The following CTNNA3 variants were observed in gnomAD, a reference collection of about 807,000 sequenced individuals.
CTNNA3 encodes catenin alpha-3.
In CTNNA3, 76 loss-of-function variants were observed where a neutral mutation model predicts 95.7. The observed-to-expected ratio is 0.79, with a 90% confidence interval of 0.66 to 0.96. The LOEUF (loss-of-function observed/expected upper bound fraction) is 0.96. CTNNA3 is among the 40% of genes least tolerant of loss of function. The pLI is 0.00. For synonymous variants in CTNNA3, 431 were observed against 374.4 expected (o/e 1.15, Z -1.74); for missense variants, 1,191 against 1,089.8 (o/e 1.09, Z -1.31).
At chr10:66,465,313 T>G (rs1178773990) in intron 11 of CTNNA3, among the ~76,000 whole-genome samples, 1 of 152,172 alleles carries the variant, frequency 6.6e-6, no homozygotes, top group Non-Finnish European at 1.5e-5. Context: ...AAATCTCTTC[T>G]GAGACTTGTA....
At chr10:66,722,528 A>G (rs1848662895) in intron 9 of CTNNA3, among the ~76,000 whole-genome samples, 4 of 152,062 alleles carry the variant, frequency 2.6e-5, no homozygotes, top group Admixed American at 2.6e-4. Flanking sequence ...GACTCAGGCC[A>G]AATGTGATTT....
Position 67,234,465 on chromosome 10 carries a change from C to G in CTNNA3, c.580-14595G>C, listed in dbSNP as rs368746376. On this transcript the variant is annotated intron_variant, in intron 5 of 17. Coordinates refer to ENST00000433211, the MANE Select transcript of CTNNA3 (RefSeq NM_013266.4). ...AAGGCCTTTGACAAAATTCAACAAC[C>G]TTCATGCTAAAAACTCTCAATAAAT... 2.2e-3 allele frequency among the ~76,000 whole-genome samples: 329 copies of G among 152,268 alleles called. 1 individual carries two copies. Among genetic ancestry groups the G allele is most frequent in the Non-Finnish European group, 3.9e-3 (263 of 68,020 alleles).
At position 67,250,467 on chromosome 10, in the gene CTNNA3, G is replaced by A. The variant is rs556354179; in HGVS notation, c.580-30597C>T. ...CTTGACCTCATGATCTGCTCACCTC[G>A]GCCTCCCAAAGTGCTGGGATTACAG... On this transcript the variant is annotated intron_variant, in intron 5 of 17. Coordinates refer to ENST00000433211, the MANE Select transcript of CTNNA3 (RefSeq NM_013266.4). Among the ~76,000 whole-genome samples the A allele has an allele frequency of 5.5e-4, 83 of 151,640 alleles. No individual in the cohort carries two copies. The Middle Eastern group carries it at 0.014, about 26-fold the overall frequency.
At chr10:66,898,764 A>G (rs763203612) in intron 7 of CTNNA3, among the ~76,000 whole-genome samples, 2 of 152,142 alleles carry the variant, frequency 1.3e-5, no homozygotes, top group South Asian at 4.1e-4. Context: ...AGAAGAAAAT[A>G]TAATGGGAAA....
chr10:67,549,360 T>C (rs1198542863), intron 3 of CTNNA3, among the ~76,000 whole-genome samples: 2 of 152,166 alleles, frequency 1.3e-5, no homozygotes, highest in African/African-American at 2.4e-5. Flanking sequence ...TTCACCATGC[T>C]GCCCCAAAAC....
In CTNNA3 at chr10:66,293,121, G is replaced by A. The variant is rs374537311; in HGVS notation, c.1733-12500C>T. Among the ~76,000 whole-genome samples, 47 of 152,146 alleles carry A rather than the reference G, an allele frequency of 3.1e-4. No individual in the cohort carries two copies. The South Asian group carries it at 9.3e-3, about 30-fold the overall frequency. ...ATTAATGTCTAAAACTGCATAGCTA[G>A]CAAAAAATGAATCACAAAATACTTC... On this transcript the variant is annotated intron_variant, in intron 12 of 17. Transcript: ENST00000433211.
chr10:67,508,601 A>AT (rs2133122257), intron 5 of CTNNA3, among the ~76,000 whole-genome samples: 1 of 152,290 alleles, frequency 6.6e-6, no homozygotes, highest in South Asian at 2.1e-4. Flanking sequence ...AGTTTTCACA[A>AT]TTTTTTTAAA....
chr10:67,359,013 A>G (rs1467661866), intron 5 of CTNNA3, among the ~76,000 whole-genome samples: 2 of 152,106 alleles, frequency 1.3e-5, no homozygotes, highest in East Asian at 1.9e-4. Context: ...CTTAAGCACC[A>G]TCTAATAGAA....
chr10:66,592,412 C>T (rs1409284226), intron 10 of CTNNA3, among the ~76,000 whole-genome samples: 3 of 152,064 alleles, frequency 2.0e-5, no homozygotes, highest in Admixed American at 6.6e-5. Context: ...TACCAAAACC[C>T]TTTGTGTCAA....
intron 5 of CTNNA3, among the ~76,000 whole-genome samples, chr10:67,305,492 C>T (rs994423860): frequency 6.6e-6 from 1 of 151,808 alleles, no homozygotes; most frequent in African/African-American, 2.4e-5. Context: ...GTCTTGTACC[C>T]TATGCTAACT....
At chr10:65,922,749 T>C (rs2077108412) in intron 17 of CTNNA3, among the ~76,000 whole-genome samples, 1 of 152,176 alleles carries the variant, frequency 6.6e-6, no homozygotes. Flanking sequence ...CTCAATGTAG[T>C]TATTTTTAAA....
rs181438343 is a variant in CTNNA3, at chr10:67,324,593, G to A, written c.580-104723C>T. On this transcript the variant is annotated intron_variant, in intron 5 of 17. Coordinates refer to ENST00000433211, the MANE Select transcript of CTNNA3 (RefSeq NM_013266.4). Reference sequence around the variant, plus strand: ...TGCATTCTAGGGATAAAGCCTAATCGATTATGGTGGATAATATTTTTGATG... The same window carrying A: ...TGCATTCTAGGGATAAAGCCTAATCAATTATGGTGGATAATATTTTTGATG... 2.0e-5 allele frequency among the ~76,000 whole-genome samples: 3 copies of A among 152,140 alleles called. No homozygotes were observed. In the East Asian group the frequency reaches 5.8e-4, roughly 29 times the overall value.
intron 12 of CTNNA3, among the ~76,000 whole-genome samples, chr10:66,360,083 T>C (rs2092641939): frequency 6.6e-6 from 1 of 152,060 alleles, no homozygotes; most frequent in Non-Finnish European, 1.5e-5. Flanking sequence ...CGCCTTGGCC[T>C]CCCAAAGTGC....
At position 67,729,271 on chromosome 10, in the gene CTNNA3, G is replaced by A. The variant is rs543155183; in HGVS notation, c.-2+34163C>T. ...AGAATCTCCAACACAGAATGACAAT[G>A]ATAATCATCCAATGGCATGTGACAA... On this transcript the variant is annotated intron_variant, in intron 1 of 17. Coordinates refer to the CTNNA3 transcript ENST00000684154. Among the ~76,000 whole-genome samples, 3 of 152,170 alleles carry A rather than the reference G, an allele frequency of 2.0e-5. No homozygotes were observed. The South Asian group carries it at 6.2e-4, about 32-fold the overall frequency.
At chr10:67,154,778 A>C (rs956757249) in intron 7 of CTNNA3, among the ~76,000 whole-genome samples, 2 of 152,080 alleles carry the variant, frequency 1.3e-5, no homozygotes, top group African/African-American at 4.8e-5. Flanking sequence ...CCTGCCTCCC[A>C]GTCTCATCTA....
intron 5 of CTNNA3, among the ~76,000 whole-genome samples, chr10:67,225,809 C>G (rs148470719): frequency 6.6e-6 from 1 of 152,178 alleles, no homozygotes; most frequent in Non-Finnish European, 1.5e-5. Context: ...TATGACAAAA[C>G]AAGGCTCTTT....
chr10:66,153,148 A>G (rs1324311583), intron 13 of CTNNA3, among the ~76,000 whole-genome samples: 3 of 151,916 alleles, frequency 2.0e-5, no homozygotes, highest in South Asian at 4.1e-4. Context: ...AGTATGTTTC[A>G]GTTTTATAAT....
At chr10:67,272,828 T>C (rs1839040021) in intron 5 of CTNNA3, among the ~76,000 whole-genome samples, 1 of 152,158 alleles carries the variant, frequency 6.6e-6, no homozygotes, top group Non-Finnish European at 1.5e-5. Flanking sequence ...TGTAGGTGCA[T>C]GACTATCTTT....
intron 9 of CTNNA3, among the ~76,000 whole-genome samples, chr10:66,753,737 A>C (rs1334610029): frequency 1.3e-5 from 2 of 151,930 alleles, no homozygotes; most frequent in East Asian, 3.8e-4. Flanking sequence ...ACTGCAATAA[A>C]AAAATCTGAA....
Sources: gnomAD v4.1 joint callset for allele counts (sites outside exome capture counted in the v4.1 genomes callset) on GRCh38, gnomAD v4.1.1 for gene constraint, MANE v1.5 for transcripts, NCBI Gene and HGNC (gene_info 2026-07-23, HGNC 2026-07-21) for gene names.